ZBTB20: variants seen among roughly 807,000 people sequenced by gnomAD.
The protein encoded by ZBTB20 is zinc finger and BTB domain containing 20, also known as zinc finger and BTB domain-containing protein 20.
ZBTB20 carries 9 observed loss-of-function variants against 56.9 expected under a neutral mutation model. The observed-to-expected ratio is 0.16, with a 90% CI of 0.10 to 0.28. ZBTB20 has a LOEUF of 0.28. Ranked by LOEUF, ZBTB20 falls within the 10% of genes least tolerant of loss-of-function variation. ZBTB20 has a pLI of 1.00. For missense variants in ZBTB20, 655 were observed against 1,003.0 expected, an observed-to-expected ratio of 0.65 and a Z score of 4.69; for synonymous variants, 417 against 420.7, an observed-to-expected ratio of 0.99 and a Z score of 0.11.
intron 6 of ZBTB20, among the ~76,000 whole-genome samples, chr3:114,585,153 G>A (rs1404365632): frequency 6.6e-6 from 1 of 151,988 alleles, no homozygotes; most frequent in Non-Finnish European, 1.5e-5. Flanking sequence ...ACAGAACGGC[G>A]AGAGGCTGAA....
chr3:114,716,930 G>A (rs1465434787), intron 5 of ZBTB20, among the ~76,000 whole-genome samples: 1 of 151,966 alleles, frequency 6.6e-6, no homozygotes, highest in Non-Finnish European at 1.5e-5. Context: ...AAAAAGTGGG[G>A]GGTATTCATT....
At chr3:114,781,647 C>T (rs1385334249) in intron 5 of ZBTB20, among the ~76,000 whole-genome samples, 1 of 152,152 alleles carries the variant, frequency 6.6e-6, no homozygotes, top group Non-Finnish European at 1.5e-5. Context: ...GTGACTCTCA[C>T]AAGATGACAT....
At chr3:114,774,017 A>G (rs899640033) in intron 5 of ZBTB20, among the ~76,000 whole-genome samples, 7 of 152,222 alleles carry the variant, frequency 4.6e-5, no homozygotes, top group Admixed American at 2.0e-4. Context: ...GTTATTTCCA[A>G]TGATTTTCGG....
At chr3:114,992,041 T>C (rs2078837275) in intron 2 of ZBTB20, among the ~76,000 whole-genome samples, 1 of 151,966 alleles carries the variant, frequency 6.6e-6, no homozygotes, top group South Asian at 2.1e-4. Context: ...TTTTTTTTTG[T>C]AATAATCTCT....
chr3:114,591,279 A>G (rs1322406771), intron 6 of ZBTB20, among the ~76,000 whole-genome samples: 1 of 152,210 alleles, frequency 6.6e-6, no homozygotes, highest in African/African-American at 2.4e-5. Flanking sequence ...AAATATCTAT[A>G]TTTGGCATGC....
At chr3:114,429,267 A>G (rs1395574259) in intron 7 of ZBTB20, among the ~76,000 whole-genome samples, 1 of 151,054 alleles carries the variant, frequency 6.6e-6, no homozygotes, top group Non-Finnish European at 1.5e-5. Context: ...ACAACCTCTT[A>G]AATAATCAAG....
chr3:114,893,275 C>T (rs1206672221), intron 4 of ZBTB20, among the ~76,000 whole-genome samples: 1 of 152,082 alleles, frequency 6.6e-6, no homozygotes, highest in Non-Finnish European at 1.5e-5. Context: ...GTTTTAAAAT[C>T]CTTATTATAC....
rs539850922 is a variant in ZBTB20, at chr3:114,449,337, TG to T, written c.-255+51014del. On this transcript the variant is annotated intron_variant, in intron 7 of 11. Transcript: ENST00000675478. The stretch of plus-strand genomic sequence containing the variant: ...ATTTGTTTGGTTAGTTATAAAAGCC[TG>T]AAAAACAAGATTATCTCCACCATAA... 2.0e-5 allele frequency among the ~76,000 whole-genome samples: 3 copies of T among 152,238 alleles called. No homozygotes were observed. The South Asian group carries it at 6.2e-4, about 32-fold the overall frequency.
rs1183786477 is a variant in ZBTB20, at chr3:114,317,231, T to C, written c.*21774A>G. The stretch of plus-strand genomic sequence containing the variant: ...ACCCCATTTCAAAGAGCCTCTCCCA[T>C]TGCTCCATTAAAATATTGCATGTGA... On this transcript the variant is annotated 3_prime_UTR_variant, in exon 12 of 12. Transcript: ENST00000675478. 1.3e-5 allele frequency: 2 copies of C among 152,388 alleles called. 1 individual carries two copies. The highest frequency in any genetic ancestry group is 4.1e-4 in the South Asian group (2 of 4,836). 9.4% of individuals were successfully genotyped at this position (152,388 alleles called of 1,614,324 possible). A position where few individuals can be genotyped will look rare whatever the true frequency, so the allele number is the denominator to read the frequency against.
intron 6 of ZBTB20, among the ~76,000 whole-genome samples, chr3:114,599,766 GC>G (rs2056616012): frequency 6.6e-6 from 1 of 151,918 alleles, no homozygotes; most frequent in South Asian, 2.1e-4. Flanking sequence ...TGAAAAACTT[GC>G]CCAATGTCAC....
chr3:114,928,154 C>T (rs952290448), intron 3 of ZBTB20, among the ~76,000 whole-genome samples: 1 of 152,196 alleles, frequency 6.6e-6, no homozygotes, highest in Admixed American at 6.5e-5. Flanking sequence ...TAACTTTATC[C>T]CTTCGTTTCA....
intron 5 of ZBTB20, among the ~76,000 whole-genome samples, chr3:114,727,602 A>G (rs1214157027): frequency 6.6e-6 from 1 of 152,246 alleles, no homozygotes; most frequent in Non-Finnish European, 1.5e-5. Flanking sequence ...ATGCTCTGAG[A>G]GACTATTTTC....
At chr3:114,872,456 G>C (rs1046987704) in intron 4 of ZBTB20, among the ~76,000 whole-genome samples, 1 of 152,070 alleles carries the variant, frequency 6.6e-6, no homozygotes, top group Non-Finnish European at 1.5e-5. Flanking sequence ...GTTGAGTAGA[G>C]AAGTAAAAGC....
In ZBTB20 at chr3:114,488,102, T is replaced by G. The variant is rs549511038; in HGVS notation, c.-255+12250A>C. Among the ~76,000 whole-genome samples, 19 of 152,334 alleles carry G rather than the reference T, an allele frequency of 1.2e-4. No homozygotes were observed. In the South Asian group the frequency reaches 3.7e-3, roughly 30 times the overall value. On this transcript the variant is annotated intron_variant, in intron 7 of 11. Coordinates refer to ENST00000675478, the MANE Select transcript of ZBTB20 (RefSeq NM_001348800.3). ...GTGATGCCAAATAAACATAAATGTA[T>G]GTAACCAGGTGAATACTTACCACCT...
chr3:114,794,482 A>G (rs1324175094), intron 5 of ZBTB20, among the ~76,000 whole-genome samples: 1 of 152,038 alleles, frequency 6.6e-6, no homozygotes, highest in Non-Finnish European at 1.5e-5. Context: ...CTTGGATAGG[A>G]ATTCTAGGCC....
intron 5 of ZBTB20, among the ~76,000 whole-genome samples, chr3:114,707,506 T>G (rs2063782800): frequency 6.6e-6 from 1 of 152,102 alleles, no homozygotes; most frequent in Non-Finnish European, 1.5e-5. Flanking sequence ...TTTCAAATAT[T>G]CTCCCATTGT....
chr3:114,503,561 T>C (rs1038202280), intron 6 of ZBTB20, among the ~76,000 whole-genome samples: 2 of 152,240 alleles, frequency 1.3e-5, no homozygotes, highest in Admixed American at 6.5e-5. Flanking sequence ...TAAGTTGTTT[T>C]TATCTGAAAT....
chr3:114,772,607 A>T (rs1485802889), intron 5 of ZBTB20, among the ~76,000 whole-genome samples: 1 of 152,154 alleles, frequency 6.6e-6, no homozygotes, highest in East Asian at 1.9e-4. Flanking sequence ...GTTTCATAAC[A>T]TATATATTAA....
chr3:115,104,853 T>C (rs891053388), intron 1 of ZBTB20, among the ~76,000 whole-genome samples: 2 of 152,140 alleles, frequency 1.3e-5, no homozygotes, highest in Non-Finnish European at 2.9e-5. Flanking sequence ...ATGTAAACTA[T>C]GGGCCTGGAG....
Sources: gnomAD v4.1 joint callset for allele counts (sites outside exome capture counted in the v4.1 genomes callset) on GRCh38, gnomAD v4.1.1 for gene constraint, MANE v1.5 for transcripts, NCBI Gene and HGNC (gene_info 2026-07-23, HGNC 2026-07-21) for gene names.